The following NRXN3 variants were observed in gnomAD, a reference collection of about 807,000 sequenced individuals.
The protein encoded by NRXN3 is neurexin 3.
NRXN3 carries 32 observed loss-of-function variants against 137.6 expected under a neutral mutation model. The ratio of observed to expected loss-of-function variants is 0.23; its 90% CI spans 0.18 to 0.31. The LOEUF (loss-of-function observed/expected upper bound fraction) is 0.31, where lower values mean the gene tolerates loss of function less well. Ranked by LOEUF, NRXN3 falls within the 10% of genes least tolerant of loss-of-function variation. The pLI, the probability that NRXN3 is intolerant of heterozygous loss-of-function variation, is 1.00. For missense variants in NRXN3, 1,574 were observed against 2,062.5 expected (o/e 0.76, Z 4.59); for synonymous variants, 798 against 784.5 (o/e 1.02, Z -0.29).
At chr14:78,460,611 C>T (rs1309673095) in intron 4 of NRXN3, among the ~76,000 whole-genome samples, 2 of 152,276 alleles carry the variant, frequency 1.3e-5, no homozygotes, top group South Asian at 2.1e-4. Flanking sequence ...CACACTGTCA[C>T]AGGGGGCTAC....
chr14:79,695,209 A>C (rs185446326), intron 18 of NRXN3, among the ~76,000 whole-genome samples: 4 of 151,816 alleles, frequency 2.6e-5, no homozygotes, highest in Admixed American at 2.6e-4. Context: ...TCAGCTTTGC[A>C]TTTTCAGTTT....
intron 10 of NRXN3, among the ~76,000 whole-genome samples, chr14:78,855,345 G>GA (rs1268278037): frequency 6.6e-6 from 1 of 152,154 alleles, no homozygotes; most frequent in African/African-American, 2.4e-5. Flanking sequence ...CAAACAAGAT[G>GA]AAAACCTGCC....
At chr14:79,751,946 T>A (rs1349525328) in intron 19 of NRXN3, among the ~76,000 whole-genome samples, 2 of 152,124 alleles carry the variant, frequency 1.3e-5, no homozygotes, top group African/African-American at 2.4e-5. Flanking sequence ...TGGATAAGCT[T>A]TTTGATGCGC....
In NRXN3 at chr14:79,348,300, T is replaced by C. The variant is rs1343997704; in HGVS notation, c.3263-118921T>C. Among the ~76,000 whole-genome samples the C allele has an allele frequency of 3.9e-5, 6 of 152,066 alleles. No homozygotes were observed. The South Asian group carries it at 6.2e-4, about 16-fold the overall frequency. On this transcript the variant is annotated intron_variant, in intron 15 of 20. Coordinates refer to ENST00000335750, the MANE Select transcript of NRXN3 (RefSeq NM_001330195.2). ...CAGGTATTTTACTTTAATTTAGATA[T>C]AGAGTAGGTAACAGAGAGCTGAAAT...
chr14:79,553,885 A>G (rs2153751216), intron 16 of NRXN3, among the ~76,000 whole-genome samples: 1 of 152,272 alleles, frequency 6.6e-6, no homozygotes, highest in South Asian at 2.1e-4. Context: ...ATAACAGGAG[A>G]TACTTTTTAA....
chr14:79,192,179 G>A (rs1396546954), intron 15 of NRXN3, among the ~76,000 whole-genome samples: 1 of 152,104 alleles, frequency 6.6e-6, no homozygotes, highest in African/African-American at 2.4e-5. Flanking sequence ...CAACTGGATT[G>A]GGATCTTAGC....
In NRXN3 at chr14:78,235,002, A is replaced by ATATATATATATATATATATGTGTG. The variant is rs1555418555; in HGVS notation, c.-703-7370_-703-7369insGTGTGTATATATATATATATATAT. ...GGCAGCCACAAATGCTTTTATATATATATATATATATATATATATATGTGT... is the reference window on the plus strand; with the variant it reads ...GGCAGCCACAAATGCTTTTATATATATATATATATATATATATATGTGTGTATATATATATATATATATATGTGT... On this transcript the variant is annotated intron_variant, in intron 1 of 20. Coordinates refer to ENST00000335750, the MANE Select transcript of NRXN3 (RefSeq NM_001330195.2). Among the ~76,000 whole-genome samples the ATATATATATATATATATATGTGTG allele has an allele frequency of 4.8e-4, 23 of 47,426 alleles. 1 individual carries two copies. Among genetic ancestry groups the ATATATATATATATATATATGTGTG allele is most frequent in the Admixed American group, 3.2e-3 (12 of 3,718 alleles). 31.1% of individuals were successfully genotyped at this position (47,426 alleles called of 152,430 possible).
intron 16 of NRXN3, among the ~76,000 whole-genome samples, chr14:79,519,685 G>A (rs74070266): frequency 0.027 from 4,145 of 151,286 alleles, 199 homozygotes; most frequent in African/African-American, 0.095. Flanking sequence ...TAAAATTTCT[G>A]ATTGGAATGG....
At chr14:78,372,022 TGTAC>T (rs1409447546) in intron 4 of NRXN3, among the ~76,000 whole-genome samples, 1 of 152,180 alleles carries the variant, frequency 6.6e-6, no homozygotes, top group Non-Finnish European at 1.5e-5. Flanking sequence ...CTCTTAATAT[TGTAC>T]ACACAATGAC....
At chr14:78,981,645 T>G (rs2099489769) in intron 14 of NRXN3, among the ~76,000 whole-genome samples, 1 of 152,220 alleles carries the variant, frequency 6.6e-6, no homozygotes. Flanking sequence ...GAAGATTAAT[T>G]GAATTAATAT....
chr14:78,832,092 T>C (rs2098984110), intron 10 of NRXN3, among the ~76,000 whole-genome samples: 1 of 151,994 alleles, frequency 6.6e-6, no homozygotes, highest in Non-Finnish European at 1.5e-5. Flanking sequence ...GAATATTTCC[T>C]ACTAACTTTC....
intron 10 of NRXN3, among the ~76,000 whole-genome samples, chr14:78,922,334 G>A (rs1466214718): frequency 1.3e-5 from 2 of 152,056 alleles, no homozygotes; most frequent in East Asian, 3.8e-4. Context: ...AATATAATTA[G>A]GTATAGAATA....
intron 15 of NRXN3, among the ~76,000 whole-genome samples, chr14:79,398,283 C>T (rs1303219827): frequency 1.3e-5 from 2 of 152,160 alleles, no homozygotes; most frequent in African/African-American, 4.8e-5. Context: ...TACAAACTAG[C>T]CAGTCCCTTG....
At chr14:78,764,555 C>T (rs1230630281) in intron 8 of NRXN3, among the ~76,000 whole-genome samples, 1 of 152,202 alleles carries the variant, frequency 6.6e-6, no homozygotes, top group African/African-American at 2.4e-5. Flanking sequence ...ATTCTCCCCC[C>T]ACCACCTCTT....
chr14:78,980,090 A>C (rs1473384469), intron 14 of NRXN3, among the ~76,000 whole-genome samples: 1 of 152,186 alleles, frequency 6.6e-6, no homozygotes, highest in Non-Finnish European at 1.5e-5. Context: ...TGATAACTTC[A>C]CATTTAGGTT....
intron 4 of NRXN3, among the ~76,000 whole-genome samples, chr14:78,340,090 C>T (rs373025962): frequency 4.8e-4 from 73 of 152,256 alleles, no homozygotes; most frequent in African/African-American, 1.6e-3. Flanking sequence ...ATGGACTGTA[C>T]GGGTTTCTGG....
chr14:78,933,463 G>C (rs1457009032), intron 10 of NRXN3, among the ~76,000 whole-genome samples: 1 of 152,090 alleles, frequency 6.6e-6, no homozygotes. Context: ...ATATTTTTCT[G>C]GCAGGCAATG....
intron 10 of NRXN3, among the ~76,000 whole-genome samples, chr14:78,862,244 A>G (rs1567543710): frequency 6.9e-6 from 1 of 145,918 alleles, no homozygotes; most frequent in Admixed American, 6.7e-5. Context: ...TATAAATAGC[A>G]AAGATAGATA....
chr14:79,153,733 G>A (rs753266736), intron 15 of NRXN3, among the ~76,000 whole-genome samples: 12 of 151,892 alleles, frequency 7.9e-5, no homozygotes, highest in Non-Finnish European at 1.3e-4. Context: ...TAAATGACTC[G>A]TTGGTAATTT....
Sources: gnomAD v4.1 joint callset for allele counts (sites outside exome capture counted in the v4.1 genomes callset) on GRCh38, gnomAD v4.1.1 for gene constraint, MANE v1.5 for transcripts, NCBI Gene and HGNC (gene_info 2026-07-23, HGNC 2026-07-21) for gene names.